The following CD276 variants were observed in gnomAD, a reference collection of about 807,000 sequenced individuals.
CD276 encodes CD276 antigen.
Under a neutral mutation model 50.0 loss-of-function variants are expected in CD276, and 34 were observed. The ratio of observed to expected loss-of-function variants is 0.68; its 90% CI spans 0.52 to 0.91. The LOEUF is 0.91. Among genes scored for constraint, CD276 ranks in the 40% least tolerant of loss-of-function variants. The pLI, the probability that CD276 is intolerant of heterozygous loss-of-function variation, is 0.00. For synonymous variants in CD276, 275 were observed against 313.0 expected, an observed-to-expected ratio of 0.88 and a Z score of 1.28; for missense variants, 634 against 717.5, an observed-to-expected ratio of 0.88 and a Z score of 1.33.
intron 1 of CD276, among the ~76,000 whole-genome samples, chr15:73,697,960 C>A (rs149979390): frequency 1.9e-4 from 29 of 152,296 alleles, no homozygotes; most frequent in Non-Finnish European, 2.9e-4. Flanking sequence ...CATTTCTATT[C>A]TTGTTGATCA....
At chr15:73,697,549 T>C (rs1381052199) in intron 1 of CD276, 1 of 151,580 alleles carries the variant, frequency 6.6e-6, no homozygotes, top group Non-Finnish European at 1.5e-5. Flanking sequence ...ATTAACAAAG[T>C]CACTTATCTG....
At chr15:73,702,653 A>C in intron 3 of CD276, 60 bp downstream of exon 3, 1 of 1,558,296 alleles carries the variant, frequency 6.4e-7, no homozygotes, top group Non-Finnish European at 8.7e-7. Context: ...CCTGCAGCCC[A>C]CCCCCTGCTG....
chr15:73,703,038 C>T lies in CD276; in HGVS notation c.685C>T (p.Gln229Ter), dbSNP rs986995735. The T allele has an allele frequency of 6.2e-7, 1 of 1,613,064 alleles. No individual in the cohort carries two copies. Among genetic ancestry groups the T allele is most frequent in the African/African-American group, 1.3e-5 (1 of 74,926 alleles). Residue 229 changes from glutamine (Q) to a stop codon, truncating the protein, a stop_gained, in exon 4 of 10, where the codon CAG becomes TAG. Transcript: ENST00000318443. LOFTEE classifies it high-confidence loss of function. Reference protein sequence around the residue: ...SCLVRNPVLQQDAHSSVTITP... With the variant: ...SCLVRNPVLQ ...CCTGGTGCGCAACCCCGTGCTGCAGCAGGATGCGCACAGCTCTGTCACCAT... is the reference window on the plus strand; with the variant it reads ...CCTGGTGCGCAACCCCGTGCTGCAGTAGGATGCGCACAGCTCTGTCACCAT...
intron 7 of CD276, 60 bp downstream of exon 7, chr15:73,708,533 GCTGT>G (rs1351003570): frequency 4.5e-6 from 7 of 1,549,470 alleles, no homozygotes; most frequent in East Asian, 2.3e-5. Flanking sequence ...GGGGTATGTT[GCTGT>G]CTTTGATGTC....
intron 9 of CD276, 96 bp downstream of exon 9, chr15:73,711,266 C>T: frequency 2.3e-6 from 3 of 1,297,500 alleles, no homozygotes; most frequent in Non-Finnish European, 2.2e-6. Context: ...TCACTAGTGA[C>T]CTGAGGCCCC....
intron 8 of CD276, 95 bp downstream of exon 8, chr15:73,709,784 T>C (rs1900819926): frequency 7.8e-7 from 1 of 1,286,536 alleles, no homozygotes; most frequent in South Asian, 1.3e-5. Context: ...AGATTTGCTG[T>C]AAGGTTTGAA....
At position 73,714,132 on chromosome 15, in the gene CD276, T is replaced by A. The variant is rs1056230699; in HGVS notation, c.*1176T>A. ...GAGGGACATAGCCCCTCGCCACGGC[T>A]AGAGAATCTGGTGGTGTCCAAAATG... is the stretch of plus-strand genomic sequence containing the variant. On this transcript the variant is annotated 3_prime_UTR_variant, in exon 10 of 10. Transcript: ENST00000318443. 3.6e-6 allele frequency: 1 copy of A among 277,380 alleles called. No individual in the cohort carries two copies. Among genetic ancestry groups the A allele is most frequent in the Non-Finnish European group, 6.8e-6 (1 of 146,204 alleles). The allele number at this position is 277,380 out of a possible 1,614,324, so 17.2% of individuals were successfully genotyped here.
upstream of CD276, chr15:73,684,289 AG>A (rs1899644328): frequency 6.6e-6 from 1 of 151,868 alleles, no homozygotes; most frequent in African/African-American, 2.4e-5. Flanking sequence ...ATCCGGCCTC[AG>A]GGACGCACCG....
rs768902183 is a variant in CD276 at position 73,702,278 on chromosome 15, G to A, written c.103G>A (p.Glu35Lys). ...LTGALEVQVP[E>K]DPVVALVGTD... ...AGGAGCCCTGGAGGTCCAGGTCCCT[G>A]AAGACCCAGTGGTGGCACTGGTGGG... The change falls in exon 3 of 10, where the codon GAA becomes AAA. Residue 35 changes from glutamate to lysine, a missense_variant. Glu to Lys is a moderately conservative substitution (Grantham distance 56). Transcript: ENST00000318443. 2 of 1,611,868 alleles carry A rather than the reference G, an allele frequency of 1.2e-6. No homozygotes were observed. The highest frequency in any genetic ancestry group is 1.7e-6 in the Non-Finnish European group (2 of 1,179,224).
Position 73,702,859 on chromosome 15 carries a change from A to G in CD276, c.506A>G (p.Gln169Arg), listed in dbSNP as rs186688946. ...GTGACCATCACGTGCTCCAGCTACC[A>G]GGGCTACCCTGAGGCTGAGGTGTTC... ...DTVTITCSSY[Q>R]GYPEAEVFWQ... Residue 169 changes from glutamine (Q) to arginine (R), a missense_variant, in exon 4 of 10, where the codon CAG (glutamine) becomes CGG (arginine). Coordinates refer to ENST00000318443, the MANE Select transcript of CD276 (RefSeq NM_001024736.2). The G allele has an allele frequency of 1.2e-4, 186 of 1,614,002 alleles. 1 individual carries two copies. The Admixed American group carries it at 1.6e-3, about 14-fold the overall frequency.
At chr15:73,698,898 A>C (rs563738511) in intron 1 of CD276, among the ~76,000 whole-genome samples, 1 of 152,292 alleles carries the variant, frequency 6.6e-6, no homozygotes, top group East Asian at 1.9e-4. Flanking sequence ...CCTTGCCCTG[A>C]TACAATCCAG....
At chr15:73,686,395 T>C (rs1899763764) in intron 1 of CD276, 1 of 587,338 alleles carries the variant, frequency 1.7e-6, no homozygotes, top group African/African-American at 2.0e-5. Context: ...TTCAGCTCTG[T>C]CCAGGCACCA....
chr15:73,695,455 C>T (rs949973237), intron 1 of CD276, among the ~76,000 whole-genome samples: 15 of 152,250 alleles, frequency 9.9e-5, no homozygotes, highest in South Asian at 2.1e-4. Flanking sequence ...GCCTCCAATT[C>T]GCCCTGACCA....
chr15:73,704,561 G>C lies in CD276; in HGVS notation c.1369+89G>C. On this transcript the variant is annotated intron_variant, in intron 6 of 9. Coordinates refer to ENST00000318443, the MANE Select transcript of CD276 (RefSeq NM_001024736.2). The surrounding 1 kb of genome is among the most constrained non-coding windows in gnomAD (Gnocchi z 4.1). ...CGTGGAATTTCCATAGGTTTGGGTG[G>C]CCAGAAGACTTTCAAAATCCCTTTC... 1 of 1,478,426 alleles carries C rather than the reference G, an allele frequency of 6.8e-7. No homozygotes were observed. Among genetic ancestry groups the C allele is most frequent in the Non-Finnish European group, 9.0e-7 (1 of 1,105,544 alleles). The allele number at this position is 1,478,426 out of a possible 1,614,324, so 91.6% of individuals were successfully genotyped here.
intron 6 of CD276, among the ~76,000 whole-genome samples, chr15:73,706,725 G>C (rs1174244757): frequency 6.6e-6 from 1 of 152,236 alleles, no homozygotes; most frequent in East Asian, 1.9e-4. Flanking sequence ...TCCCGTACCT[G>C]ATGAAGTTAG....
intron 1 of CD276, among the ~76,000 whole-genome samples, chr15:73,696,172 C>T (rs1053815712): frequency 1.3e-5 from 2 of 152,176 alleles, no homozygotes; most frequent in African/African-American, 2.4e-5. Context: ...AGGAGAAGGA[C>T]GAGGAGTGGG....
At chr15:73,688,664 A>G (rs6495075) in intron 1 of CD276, among the ~76,000 whole-genome samples, 83,114 of 152,026 alleles carry the variant, frequency 0.55, 22,894 homozygotes, top group East Asian at 0.58. Flanking sequence ...CCAGCCGGCC[A>G]CCACTCTGGG....
chr15:73,705,424 GACAAGCTC>G (rs1900611338), intron 6 of CD276, among the ~76,000 whole-genome samples: 2 of 152,042 alleles, frequency 1.3e-5, no homozygotes, highest in African/African-American at 4.8e-5. Context: ...CCCCACTTCT[GACAAGCTC>G]GGAGCCAGGG....
chr15:73,702,540 G>A lies in CD276; in HGVS notation c.365G>A (p.Cys122Tyr), dbSNP rs1443057174. 1 of 1,612,058 alleles carries A rather than the reference G, an allele frequency of 6.2e-7. No individual in the cohort carries two copies. Among genetic ancestry groups the A allele is most frequent in the Non-Finnish European group, 8.5e-7 (1 of 1,179,830 alleles). Residue 122 changes from cysteine to tyrosine, a missense_variant, in exon 3 of 10, where the codon TGC (cysteine) becomes TAC (tyrosine). Physicochemically the swap from Cys to Tyr is radical, Grantham distance 194. Transcript: ENST00000318443. ...VRVADEGSFTCFVSIRDFGSA... is the reference protein window; with the variant it reads ...VRVADEGSFTYFVSIRDFGSA... ...GTGGCGGACGAGGGCAGCTTCACCT[G>A]CTTCGTGAGCATCCGGGATTTCGGC... is the stretch of plus-strand genomic sequence containing the variant.
Sources: gnomAD v4.1 joint callset for allele counts (sites outside exome capture counted in the v4.1 genomes callset) on GRCh38, gnomAD v4.1.1 for gene constraint, Gnocchi (gnomAD v3.1) non-coding constraint, MANE v1.5 for transcripts, NCBI Gene and HGNC (gene_info 2026-07-23, HGNC 2026-07-21) for gene names.